Variants in TMEM232 observed in about 807,000 individuals in gnomAD.
TMEM232 encodes the protein transmembrane protein 232.
A neutral mutation model predicts 78.8 loss-of-function variants in TMEM232; 80 were observed. The observed-to-expected ratio is 1.01, with a 90% CI of 0.85 to 1.22. The LOEUF is 1.22. Among genes scored for constraint, TMEM232 ranks in the 50% most tolerant of loss-of-function variants. The pLI, the probability that TMEM232 is intolerant of heterozygous loss-of-function variation, is 0.00. For missense variants in TMEM232, 881 were observed against 742.2 expected (o/e 1.19, Z -2.17); for synonymous variants, 297 against 254.3 (o/e 1.17, Z -1.60).
chr5:110,737,731 T>C (rs944650811), intron 1 of TMEM232, among the ~76,000 whole-genome samples: 3 of 152,210 alleles, frequency 2.0e-5, no homozygotes, highest in African/African-American at 4.8e-5. Context: ...CTTTGTACAT[T>C]AAAGCTACTG....
chr5:110,447,419 C>T (rs932829223), intron 12 of TMEM232, among the ~76,000 whole-genome samples: 3 of 151,944 alleles, frequency 2.0e-5, no homozygotes, highest in Admixed American at 1.3e-4. Context: ...GACTAGTACA[C>T]AAATGTATAG....
In TMEM232 at chr5:110,449,577, T is replaced by C. The variant is rs577834914; in HGVS notation, c.1704-24661A>G. ...TAATTATGTGGCTTTATTTACTACC[T>C]TTCTTTAACCTGATTCTACCTTCAC... On this transcript the variant is annotated intron_variant, in intron 12 of 13. Transcript: ENST00000455884. 4.6e-5 allele frequency among the ~76,000 whole-genome samples: 7 copies of C among 152,102 alleles called. No individual in the cohort carries two copies. The South Asian group carries it at 1.4e-3, about 32-fold the overall frequency.
intron 6 of TMEM232, among the ~76,000 whole-genome samples, chr5:110,626,963 T>C (rs1333037647): frequency 1.3e-5 from 2 of 152,048 alleles, no homozygotes; most frequent in African/African-American, 2.4e-5. Context: ...AGTTTCTCCC[T>C]GCCCCTCGCC....
At chr5:110,697,403 C>A (rs1399538518) in intron 1 of TMEM232, among the ~76,000 whole-genome samples, 2 of 152,256 alleles carry the variant, frequency 1.3e-5, no homozygotes, top group East Asian at 3.9e-4. Context: ...GACTTCATGT[C>A]TAAAACACCA....
intron 1 of TMEM232, among the ~76,000 whole-genome samples, chr5:110,676,432 G>A (rs1442942017): frequency 6.7e-6 from 1 of 149,770 alleles, no homozygotes; most frequent in East Asian, 2.0e-4. Context: ...GTCTCACTCT[G>A]TCACCCAGGC....
chr5:110,527,556 C>T (rs1770776466), intron 12 of TMEM232, among the ~76,000 whole-genome samples: 1 of 151,788 alleles, frequency 6.6e-6, no homozygotes, highest in Non-Finnish European at 1.5e-5. Context: ...TCCTCTAAGC[C>T]AGGAACAAAA....
At chr5:110,546,913 T>A (rs1243545307) in intron 11 of TMEM232, among the ~76,000 whole-genome samples, 1 of 151,896 alleles carries the variant, frequency 6.6e-6, no homozygotes. Flanking sequence ...ATAACCCACC[T>A]TTGGAGTTTT....
At chr5:110,701,494 G>T (rs139382782) in intron 1 of TMEM232, among the ~76,000 whole-genome samples, 1 of 151,976 alleles carries the variant, frequency 6.6e-6, no homozygotes, top group Non-Finnish European at 1.5e-5. Flanking sequence ...TTTGTACAAG[G>T]TTTGAGCATT....
Position 110,667,363 on chromosome 5 carries a change from T to C in TMEM232, c.-11A>G, listed in dbSNP as rs1190814676. On this transcript the variant is annotated splice_region_variant and 5_prime_UTR_variant, in exon 2 of 14. Coordinates refer to ENST00000455884, the MANE Select transcript of TMEM232 (RefSeq NM_001039763.4). ...AACAGGCATATTCATAAATCATAAA[T>C]TCTAAAAGGAATATTAAATGTATGT... 3 of 1,492,496 alleles carry C rather than the reference T, an allele frequency of 2.0e-6. No individual in the cohort carries two copies. The highest frequency in any genetic ancestry group is 2.7e-6 in the Non-Finnish European group (3 of 1,115,732). The allele number at this position is 1,492,496 out of a possible 1,614,324, so 92.5% of individuals were successfully genotyped here.
In TMEM232 at chr5:110,563,114, T is replaced by C. The variant is rs567908339; in HGVS notation, c.1455+5333A>G. Among the ~76,000 whole-genome samples the C allele has an allele frequency of 1.2e-4, 19 of 152,130 alleles. No individual in the cohort carries two copies. In the South Asian group the frequency reaches 3.7e-3, roughly 30 times the overall value. On this transcript the variant is annotated intron_variant, in intron 11 of 13. Coordinates refer to ENST00000455884, the MANE Select transcript of TMEM232 (RefSeq NM_001039763.4). ...AAGCTAACTTTCCGCCTTCATTTAA[T>C]ATTTAAAATAAATGAAAACACCCTT...
At chr5:110,697,790 A>T (rs1794972367) in intron 1 of TMEM232, among the ~76,000 whole-genome samples, 1 of 152,168 alleles carries the variant, frequency 6.6e-6, no homozygotes, top group South Asian at 2.1e-4. Context: ...TTAAAAAGTC[A>T]GGAAACAACA....
chr5:110,665,903 A>C lies in TMEM232; in HGVS notation c.125+1325T>G, dbSNP rs1201839675. ...GACCCCATCTCCACAAAAAAAAAAA[A>C]AAAAAAAAACTAAAAATTAGCCAGG... On this transcript the variant is annotated intron_variant, in intron 2 of 13. Transcript: ENST00000455884. Among the ~76,000 whole-genome samples the C allele has an allele frequency of 5.3e-5, 8 of 151,656 alleles. 1 individual carries two copies. Among genetic ancestry groups the C allele is most frequent in the Admixed American group, 1.3e-4 (2 of 15,190 alleles).
At chr5:110,689,126 C>T (rs1469861778) in intron 1 of TMEM232, among the ~76,000 whole-genome samples, 2 of 152,036 alleles carry the variant, frequency 1.3e-5, no homozygotes, top group East Asian at 3.9e-4. Flanking sequence ...GTATCCCAGG[C>T]GCATCCTTAA....
Position 110,652,294 on chromosome 5 carries a change from G to GCACGCGCACA in TMEM232, c.126-9924_126-9923insTGTGCGCGTG, listed in dbSNP as rs1554069162. ...CAAGCACACAAAAGTGCACGCGCGC[G>GCACGCGCACA]CACACACACACACACACACACACAC... is the stretch of plus-strand genomic sequence containing the variant. On this transcript the variant is annotated intron_variant, in intron 2 of 13. Transcript: ENST00000455884. Among the ~76,000 whole-genome samples, 398 of 145,450 alleles carry GCACGCGCACA rather than the reference G, an allele frequency of 2.7e-3. 3 individuals are homozygous for GCACGCGCACA. The highest frequency in any genetic ancestry group is 9.8e-3 in the African/African-American group (383 of 38,922).
intron 12 of TMEM232, among the ~76,000 whole-genome samples, chr5:110,492,251 T>C (rs1384142408): frequency 6.6e-6 from 1 of 151,722 alleles, no homozygotes; most frequent in Admixed American, 6.6e-5. Context: ...AAGCACATAA[T>C]ATTATTAACA....
chr5:110,646,309 T>C (rs1389056107), intron 2 of TMEM232, among the ~76,000 whole-genome samples: 1 of 151,772 alleles, frequency 6.6e-6, no homozygotes, highest in Non-Finnish European at 1.5e-5. Flanking sequence ...AGGAATCACA[T>C]TTCCTGACTT....
chr5:110,712,693 A>G (rs1043739326), intron 1 of TMEM232, among the ~76,000 whole-genome samples: 8 of 152,180 alleles, frequency 5.3e-5, no homozygotes, highest in Non-Finnish European at 1.2e-4. Flanking sequence ...TGTTTTGTAT[A>G]GCCCACTCGA....
chr5:110,603,049 C>T (rs1781135526), intron 10 of TMEM232, among the ~76,000 whole-genome samples: 1 of 152,008 alleles, frequency 6.6e-6, no homozygotes, highest in East Asian at 1.9e-4. Context: ...GAACAGAAAA[C>T]CAAACATTGC....
intron 1 of TMEM232, among the ~76,000 whole-genome samples, chr5:110,673,195 T>C (rs971789717): frequency 1.3e-5 from 2 of 151,380 alleles, no homozygotes; most frequent in Admixed American, 6.6e-5. Context: ...CAGCAAACTA[T>C]TGCAAGGACA....
Sources: allele counts gnomAD v4.1 joint callset (sites outside exome capture counted in the v4.1 genomes callset), GRCh38; gene constraint gnomAD v4.1.1; transcripts MANE v1.5; gene names NCBI Gene and HGNC (gene_info 2026-07-23, HGNC 2026-07-21).